PTPN23: variants seen among roughly 807,000 people sequenced by gnomAD.
PTPN23 encodes the protein protein tyrosine phosphatase non-receptor type 23, also known as tyrosine-protein phosphatase non-receptor type 23.
PTPN23 carries 72 observed loss-of-function variants against 156.3 expected under a neutral mutation model. That is an observed-to-expected ratio of 0.46 (90% CI 0.38 to 0.56). The LOEUF (loss-of-function observed/expected upper bound fraction) is 0.56. PTPN23 is among the 20% of genes least tolerant of loss of function. The pLI is 0.00. For synonymous variants in PTPN23, 957 were observed against 899.6 expected (o/e 1.06, Z -1.14); for missense variants, 1,974 against 2,171.5 (o/e 0.91, Z 1.81).
At chr3:47,408,662 G>A (rs535950582) in intron 15 of PTPN23, 114 bp from the exon 16 acceptor site, 237 of 1,426,082 alleles carry the variant, frequency 1.7e-4, no homozygotes, top group Middle Eastern at 9.2e-4. Flanking sequence ...CTCAGTGTGC[G>A]CTGGGCCTCA....
At chr3:47,395,083 C>G (rs1300650433) in intron 1 of PTPN23, among the ~76,000 whole-genome samples, 1 of 152,212 alleles carries the variant, frequency 6.6e-6, no homozygotes, top group Non-Finnish European at 1.5e-5. Flanking sequence ...CCTTTGCTCA[C>G]CAGGCAGACA....
chr3:47,382,680 CTTTTTTTTTTTTTT>C (rs71098482), intron 1 of PTPN23, among the ~76,000 whole-genome samples: 1 of 58,646 alleles, frequency 1.7e-5, no homozygotes, highest in South Asian at 8.4e-4. Flanking sequence ...TTTTTCTTTT[CTTTTTTTTTTTTTT>C]TTTTTTTTTT....
At chr3:47,404,880 A>G in intron 3 of PTPN23, 101 bp downstream of exon 3, 1 of 1,576,572 alleles carries the variant, frequency 6.3e-7, no homozygotes, top group Non-Finnish European at 8.7e-7. Context: ...TAGGATGGGG[A>G]ATGGCCTCAT....
chr3:47,412,049 C>T (rs756794087), intron 21 of PTPN23, 45 bp from the exon 22 acceptor site: 2 of 1,610,678 alleles, frequency 1.2e-6, no homozygotes. Context: ...AGCCTCAGGT[C>T]AGGCCTGGCT....
chr3:47,385,437 G>C (rs1478076839), intron 1 of PTPN23, among the ~76,000 whole-genome samples: 1 of 152,158 alleles, frequency 6.6e-6, no homozygotes, highest in Non-Finnish European at 1.5e-5. Flanking sequence ...AGCACTTTGG[G>C]AGGCTGAGGC....
At position 47,412,390 on chromosome 3, in the gene PTPN23, G is replaced by A. The variant is rs1347050663; in HGVS notation, c.4286G>A (p.Arg1429Gln). ...PELPQLVRRM[R>Q]QQRKHMLQEK... ...CTGCCTCAGCTGGTGCGGCGCATGC[G>A]GCAGCAGAGAAAGCACATGCTGCAG... Residue 1429 changes from arginine to glutamine, a missense_variant, in exon 23 of 25, where the codon CGG (arginine) becomes CAG (glutamine). This residue lies in a region of PTPN23 where 484 missense variants were observed against 516.0 expected (regional missense o/e 0.94). Transcript: ENST00000265562. 22 of 1,613,034 alleles carry A rather than the reference G, an allele frequency of 1.4e-5. No homozygotes were observed. The highest frequency in any genetic ancestry group is 4.5e-5 in the East Asian group (2 of 44,904).
At chr3:47,396,049 C>T in intron 1 of PTPN23, 94 bp from the exon 2 acceptor site, 2 of 969,060 alleles carry the variant, frequency 2.1e-6, no homozygotes, top group Non-Finnish European at 3.1e-6. Context: ...TAGGTCTGCA[C>T]TTAATCCTGA....
In PTPN23 at chr3:47,411,292, A is replaced by G. The variant is rs1328070281; in HGVS notation, c.3494A>G (p.Tyr1165Cys). 5 of 1,612,146 alleles carry G rather than the reference A, an allele frequency of 3.1e-6. No homozygotes were observed. The highest frequency in any genetic ancestry group is 4.2e-6 in the Non-Finnish European group (5 of 1,179,958). ...QALRLIERDPYEHPERLRQLQ... is the reference protein window; with the variant it reads ...QALRLIERDPCEHPERLRQLQ... ...CTGCGGCTGATTGAGCGGGACCCCTATGAGCATCCTGAGAGGCTGCGGCAG... is the reference window on the plus strand; with the variant it reads ...CTGCGGCTGATTGAGCGGGACCCCTGTGAGCATCCTGAGAGGCTGCGGCAG... Residue 1165 changes from tyrosine to cysteine, a missense_variant, in exon 20 of 25, where the codon TAT (tyrosine) becomes TGT (cysteine). By Grantham distance (194) the Tyr-to-Cys change is radical. This residue lies in a region of PTPN23 where 731 missense variants were observed against 669.1 expected (regional missense o/e 1.09). Coordinates refer to ENST00000265562, the MANE Select transcript of PTPN23 (RefSeq NM_015466.4). The surrounding 1 kb of genome is among the most constrained non-coding windows in gnomAD (Gnocchi z 6.3).
At position 47,407,819 on chromosome 3, in the gene PTPN23, G is replaced by A. The variant is rs1185865603; in HGVS notation, c.1118+8G>A. The A allele has an allele frequency of 1.2e-6, 2 of 1,614,124 alleles. No homozygotes were observed. The highest frequency in any genetic ancestry group is 1.7e-6 in the Non-Finnish European group (2 of 1,179,978). On this transcript the variant is annotated splice_region_variant and intron_variant, in intron 13 of 24. Coordinates refer to ENST00000265562, the MANE Select transcript of PTPN23 (RefSeq NM_015466.4). This position sits in a 1 kb window ranked among gnomAD's most constrained non-coding sequence, Gnocchi z 4.0. The stretch of plus-strand genomic sequence containing the variant: ...GGCCTCGTCACTGTACAGGTGGGTG[G>A]AGGGTGGCACAGAGGGAGGTGGGGT...
rs189944872 is a variant in PTPN23 at position 47,381,060 on chromosome 3, A to C, written c.-37A>C. ...GGCTGAGCCAGCAGCTGCAGCAGCT[A>C]CGGGAGTGGCCGGGTGGCCGGCGGG... is the stretch of plus-strand genomic sequence containing the variant. On this transcript the variant is annotated 5_prime_UTR_variant, in exon 1 of 25. Transcript: ENST00000265562. The C allele has an allele frequency of 1.3e-6, 2 of 1,554,024 alleles. No homozygotes were observed. The highest frequency in any genetic ancestry group is 2.7e-5 in the African/African-American group (2 of 73,162).
intron 1 of PTPN23, 45 bp downstream of exon 1, chr3:47,381,225 G>A: frequency 6.4e-7 from 1 of 1,551,154 alleles, no homozygotes; most frequent in East Asian, 2.4e-5. Context: ...GCGTATCTCC[G>A]TCGTCTGCAA....
In PTPN23 at chr3:47,411,415, C is replaced by G; in HGVS notation, c.3617C>G (p.Ala1206Gly). 6.2e-7 allele frequency: 1 copy of G among 1,613,048 alleles called. No homozygotes were observed. Among genetic ancestry groups the G allele is most frequent in the South Asian group, 1.1e-5 (1 of 91,086 alleles). ...CTGCAAGATGCGCAGGAACATGATG[C>G]CCGAGGCCGTTCCATCGCCATTGCC... ...RELQDAQEHD[A>G]RGRSIAIARC... is the part of the protein sequence containing the mutation. The change falls in exon 20 of 25, where the codon GCC becomes GGC. Residue 1206 changes from alanine (A) to glycine (G), a missense_variant. Physicochemically the swap from Ala to Gly is moderately conservative, Grantham distance 60. Transcript: ENST00000265562. This position sits in a 1 kb window ranked among gnomAD's most constrained non-coding sequence, Gnocchi z 6.3.
Position 47,407,376 on chromosome 3 carries a change from G to A in PTPN23, c.923+9G>A. ...GATGTCATTGGGGGAAAGTGAGTCT[G>A]TGGGGGTGGCCCTGGTTCCCTCTTT... On this transcript the variant is annotated intron_variant, in intron 11 of 24. Coordinates refer to ENST00000265562, the MANE Select transcript of PTPN23 (RefSeq NM_015466.4). This position sits in a 1 kb window ranked among gnomAD's most constrained non-coding sequence, Gnocchi z 4.0. 6.2e-7 allele frequency: 1 copy of A among 1,613,908 alleles called. No individual in the cohort carries two copies.
chr3:47,389,311 T>G (rs540091216), intron 1 of PTPN23, among the ~76,000 whole-genome samples: 16 of 152,200 alleles, frequency 1.1e-4, no homozygotes, highest in Non-Finnish European at 2.4e-4. Context: ...ATTTTACACA[T>G]GAAAAAAGCC....
rs148327878 is a variant in PTPN23, at chr3:47,406,749, G to T, written c.806G>T (p.Arg269Leu). ...GAGGAGCAGCAGAAGTTCGGGGAGCGGGTGAGCTACAGCGAGGAGGGGACT... is the reference window on the plus strand; with the variant it reads ...GAGGAGCAGCAGAAGTTCGGGGAGCTGGTGAGCTACAGCGAGGAGGGGACT... ...QAEEQQKFGE[R>L]VAYFQSALDK... Residue 269 changes from arginine (R) to leucine (L), a missense_variant and splice_region_variant, in exon 9 of 25, where the codon CGG becomes CTG. By Grantham distance (102) the Arg-to-Leu change is moderately radical. Transcript: ENST00000265562. This position sits in a 1 kb window ranked among gnomAD's most constrained non-coding sequence, Gnocchi z 5.8. The T allele has an allele frequency of 6.2e-7, 1 of 1,613,596 alleles. No individual in the cohort carries two copies. The highest frequency in any genetic ancestry group is 8.5e-7 in the Non-Finnish European group (1 of 1,179,906).
chr3:47,410,869 A>G lies in PTPN23; in HGVS notation c.3071A>G (p.Gln1024Arg). ...ACCCAGCTCTACCCAGGTCCCGCTC[A>G]AGACCCTCTGCCAGCCCACTCAGGG... is the stretch of plus-strand genomic sequence containing the variant. The part of the protein sequence containing the change: ...LHTQLYPGPA[Q>R]DPLPAHSGAL... The change falls in exon 20 of 25, where the codon CAA becomes CGA. Residue 1024 changes from glutamine (Q) to arginine (R), a missense_variant. Around this residue, in one of 4 missense-constraint regions of PTPN23, gnomAD observed 731 missense variants for 669.1 expected, o/e 1.09. Transcript: ENST00000265562. 4 of 1,581,376 alleles carry G rather than the reference A, an allele frequency of 2.5e-6. No individual in the cohort carries two copies. Among genetic ancestry groups the G allele is most frequent in the Non-Finnish European group, 3.4e-6 (4 of 1,169,454 alleles).
chr3:47,406,579 G>T lies in PTPN23; in HGVS notation c.726G>T (p.Gln242His). The change falls in exon 8 of 25, where the codon CAG becomes CAT. Residue 242 changes from glutamine to histidine, a missense_variant. This residue lies in a region of PTPN23 where 726 missense variants were observed against 929.5 expected (regional missense o/e 0.78). Transcript: ENST00000265562. The surrounding 1 kb of genome is among the most constrained non-coding windows in gnomAD (Gnocchi z 5.8). ...AGAAGGACTGGAAGAAACTTGTGCA[G>T]ATGAAGATCTACTACTTCGCAGCCG... is the stretch of plus-strand genomic sequence containing the variant. ...RIQKDWKKLV[Q>H]MKIYYFAAVA... The T allele has an allele frequency of 6.2e-7, 1 of 1,614,016 alleles. No individual in the cohort carries two copies. The highest frequency in any genetic ancestry group is 8.5e-7 in the Non-Finnish European group (1 of 1,180,020).
rs760146153 is a variant in PTPN23 at position 47,410,735 on chromosome 3, G to C, written c.2937G>C (p.Gln979His). 1.5e-5 allele frequency: 24 copies of C among 1,566,690 alleles called. No individual in the cohort carries two copies. In the Middle Eastern group the frequency reaches 6.7e-4, roughly 43 times the overall value. ...PQPPQQPLPL[Q>H]HPHLFPPQAP... ...CCCCACAGCAGCCCCTTCCACTCCA[G>C]CATCCACATCTCTTCCCACCCCAGG... is the stretch of plus-strand genomic sequence containing the variant. Residue 979 changes from glutamine (Q) to histidine (H), a missense_variant, in exon 20 of 25, where the codon CAG becomes CAC. Physicochemically the swap from Gln to His is conservative, Grantham distance 24. Transcript: ENST00000265562.
Position 47,409,667 on chromosome 3 carries a change from G to A in PTPN23, c.1962G>A (p.Thr654=), listed in dbSNP as rs908856157. The A allele has an allele frequency of 9.9e-6, 16 of 1,611,690 alleles. No homozygotes were observed. Among genetic ancestry groups the A allele is most frequent in the African/African-American group, 9.3e-5 (7 of 74,918 alleles). ...LSDLDQKWNS[T]LQTLVASYEA... ...TTCTGCCCACCAGGTGGAACTCCAC[G>A]CTGCAGACCCTGGTGGCCTCGTATG... is the stretch of plus-strand genomic sequence containing the variant. The change falls in exon 19 of 25, where the codon ACG becomes ACA. Residue 654 remains threonine (T), a synonymous_variant. Transcript: ENST00000265562.
Sources: gnomAD v4.1 joint callset for allele counts (sites outside exome capture counted in the v4.1 genomes callset) on GRCh38, gnomAD v4.1.1 for gene constraint, gnomAD v4.1.1 regional missense constraint, Gnocchi (gnomAD v3.1) non-coding constraint, MANE v1.5 for transcripts, NCBI Gene and HGNC (gene_info 2026-07-23, HGNC 2026-07-21) for gene names.